TLL1: variants seen among roughly 807,000 people sequenced by gnomAD.
TLL1 encodes the protein tolloid like 1.
TLL1 carries 49 observed loss-of-function variants against 128.2 expected under a neutral mutation model. That is an observed-to-expected ratio of 0.38 (90% CI 0.30 to 0.48). TLL1 has a LOEUF of 0.48. Ranked by LOEUF, TLL1 falls within the 20% of genes least tolerant of loss-of-function variation. The pLI, the probability that TLL1 is intolerant of heterozygous loss-of-function variation, is 0.96. For missense variants in TLL1, 1,123 were observed against 1,242.0 expected (o/e 0.90, Z 1.44); for synonymous variants, 454 against 418.8 (o/e 1.08, Z -1.03).
chr4:165,928,048 T>A (rs1733353087), intron 1 of TLL1, among the ~76,000 whole-genome samples: 1 of 152,140 alleles, frequency 6.6e-6, no homozygotes, highest in African/African-American at 2.4e-5. Context: ...CAGGGTGTGG[T>A]TTTGTACAGA....
chr4:165,898,685 T>G (rs1330726588), intron 1 of TLL1, among the ~76,000 whole-genome samples: 1 of 151,972 alleles, frequency 6.6e-6, no homozygotes, highest in Non-Finnish European at 1.5e-5. Context: ...TTGGCCTGAA[T>G]TTTTCCATTT....
chr4:166,088,873 C>T (rs1030900553), intron 18 of TLL1, among the ~76,000 whole-genome samples: 2 of 152,054 alleles, frequency 1.3e-5, no homozygotes, highest in Admixed American at 6.6e-5. Flanking sequence ...AGACGTCCTG[C>T]GTTTCATTAG....
intron 9 of TLL1, among the ~76,000 whole-genome samples, chr4:166,031,363 CTTTTTTT>C (rs35799879): frequency 0.13 from 13,397 of 102,726 alleles, 500 homozygotes; most frequent in South Asian, 0.17. Context: ...ATTGCAAGGT[CTTTTTTT>C]TTTTTTTTTT....
chr4:166,085,707 A>G (rs1334185891), intron 18 of TLL1, among the ~76,000 whole-genome samples: 1 of 151,928 alleles, frequency 6.6e-6, no homozygotes, highest in Non-Finnish European at 1.5e-5. Context: ...CTTTTCATCT[A>G]TGTTCATTAG....
chr4:165,923,133 A>T (rs1249019537), intron 1 of TLL1, among the ~76,000 whole-genome samples: 7 of 152,284 alleles, frequency 4.6e-5, no homozygotes, highest in Non-Finnish European at 8.8e-5. Context: ...GAACTTCTGC[A>T]CATAAATAAA....
intron 5 of TLL1, among the ~76,000 whole-genome samples, chr4:165,995,482 G>A (rs1316439405): frequency 6.6e-6 from 1 of 152,136 alleles, no homozygotes; most frequent in Non-Finnish European, 1.5e-5. Flanking sequence ...CTGTTGTGTT[G>A]TCTCTAAAAT....
intron 14 of TLL1, among the ~76,000 whole-genome samples, chr4:166,059,396 A>G (rs1210618463): frequency 6.6e-6 from 1 of 152,110 alleles, no homozygotes; most frequent in African/African-American, 2.4e-5. Flanking sequence ...TTTAAATAGA[A>G]CCTTTTAAAA....
Position 165,994,407 on chromosome 4 carries a change from G to A in TLL1, c.388G>A (p.Gly130Arg), listed in dbSNP as rs777831768. The change falls in exon 4 of 21, where the codon GGA becomes AGA. Residue 130 changes from glycine to arginine, a missense_variant. Physicochemically the swap from Gly to Arg is moderately radical, Grantham distance 125 (BLOSUM62 -2). Coordinates refer to ENST00000061240, the MANE Select transcript of TLL1 (RefSeq NM_012464.5). ...CTTGGAGCAAAACAACACAGTTAAG[G>A]GAAAAGTACCTCTACAATTCTCAGG... ...FGLEQNNTVK[G>R]KVPLQFSGQN... The A allele has an allele frequency of 1.9e-6, 3 of 1,613,818 alleles. No homozygotes were observed. Among genetic ancestry groups the A allele is most frequent in the East Asian group, 4.5e-5 (2 of 44,850 alleles).
chr4:165,874,589 G>T (rs1433385359), intron 1 of TLL1, among the ~76,000 whole-genome samples: 1 of 152,168 alleles, frequency 6.6e-6, no homozygotes, highest in African/African-American at 2.4e-5. Context: ...TTCAAGTGTG[G>T]GTTCCAGGCT....
chr4:166,095,597 G>T (rs1244210005), intron 19 of TLL1, among the ~76,000 whole-genome samples: 13 of 151,960 alleles, frequency 8.6e-5, no homozygotes, highest in Non-Finnish European at 1.6e-4. Context: ...AAACTCTTTG[G>T]AAAGGAAATT....
chr4:165,976,991 T>A (rs560806714), intron 1 of TLL1, among the ~76,000 whole-genome samples: 8 of 152,324 alleles, frequency 5.3e-5, no homozygotes, highest in Admixed American at 2.0e-4. Flanking sequence ...GTTCTTCCAG[T>A]GTGGCCCAGG....
Position 165,969,858 on chromosome 4 carries a change from T to A in TLL1, c.170-19523T>A, listed in dbSNP as rs567716332. Among the ~76,000 whole-genome samples, 3 of 152,278 alleles carry A rather than the reference T, an allele frequency of 2.0e-5. No individual in the cohort carries two copies. In the East Asian group the frequency reaches 5.8e-4, roughly 29 times the overall value. On this transcript the variant is annotated intron_variant, in intron 1 of 20. Transcript: ENST00000061240. ...AACTCGTCCTTTGAAGAATCTTGTA[T>A]GTATTCTCACTTGGACACATTCTTA... is the stretch of plus-strand genomic sequence containing the variant.
intron 1 of TLL1, among the ~76,000 whole-genome samples, chr4:165,895,012 A>C (rs1451062205): frequency 6.6e-6 from 1 of 152,152 alleles, no homozygotes; most frequent in Non-Finnish European, 1.5e-5. Flanking sequence ...ATAACTTACC[A>C]CATTTACATG....
chr4:166,054,184 C>A (rs1191066696), intron 12 of TLL1, among the ~76,000 whole-genome samples: 3 of 123,956 alleles, frequency 2.4e-5, no homozygotes, highest in African/African-American at 8.8e-5. Flanking sequence ...GCCATATTTC[C>A]TTGGGAAAGG....
intron 5 of TLL1, 25 bp from the exon 6 acceptor site, chr4:166,003,366 A>G (rs1737256234): frequency 5.0e-6 from 8 of 1,613,494 alleles, no homozygotes; most frequent in Non-Finnish European, 6.8e-6. Context: ...TTCCACCACC[A>G]TCTCCACTTT....
chr4:165,919,159 A>T (rs1304150091), intron 1 of TLL1, among the ~76,000 whole-genome samples: 1 of 152,052 alleles, frequency 6.6e-6, no homozygotes, highest in Non-Finnish European at 1.5e-5. Flanking sequence ...AGGGAGGAGG[A>T]TCACTGGAGC....
intron 5 of TLL1, among the ~76,000 whole-genome samples, chr4:165,999,281 A>G (rs1737037067): frequency 6.6e-6 from 1 of 152,196 alleles, no homozygotes; most frequent in African/African-American, 2.4e-5. Context: ...GCTATAAAGA[A>G]CTACCTGAGA....
At chr4:166,007,390 A>G (rs1579615352) in intron 6 of TLL1, among the ~76,000 whole-genome samples, 1 of 151,716 alleles carries the variant, frequency 6.6e-6, no homozygotes, top group African/African-American at 2.4e-5. Context: ...AACTTGTTTC[A>G]TTTTTAAATG....
intron 9 of TLL1, among the ~76,000 whole-genome samples, chr4:166,035,189 G>A (rs1738945221): frequency 6.6e-6 from 1 of 152,152 alleles, no homozygotes; most frequent in African/African-American, 2.4e-5. Flanking sequence ...TTCAAAGTCA[G>A]ATGTTATCAC....
Sources: gnomAD v4.1 joint callset for allele counts (sites outside exome capture counted in the v4.1 genomes callset) on GRCh38, gnomAD v4.1.1 for gene constraint, MANE v1.5 for transcripts, NCBI Gene and HGNC (gene_info 2026-07-23, HGNC 2026-07-21) for gene names.